RFC3: variants seen among roughly 807,000 people sequenced by gnomAD.
RFC3 encodes the protein A1 38 kDa subunit.
Under a neutral mutation model 45.1 loss-of-function variants are expected in RFC3, and 41 were observed. The observed-to-expected ratio is 0.91, with a 90% confidence interval of 0.71 to 1.18. RFC3 has a LOEUF of 1.18. Among genes scored for constraint, RFC3 ranks in the 50% most tolerant of loss-of-function variants. The pLI is 0.00. For synonymous variants in RFC3, 149 were observed against 144.0 expected, an observed-to-expected ratio of 1.03 and a Z score of -0.25; for missense variants, 423 against 428.1, an observed-to-expected ratio of 0.99 and a Z score of 0.10.
chr13:33,864,884 G>T (rs1333066547), intron 8 of RFC3, among the ~76,000 whole-genome samples: 1 of 152,168 alleles, frequency 6.6e-6, no homozygotes, highest in African/African-American at 2.4e-5. Context: ...GCAGGAGGAA[G>T]GGGAGTTCTG....
At chr13:33,819,960 C>A (rs1420647682) in intron 1 of RFC3, among the ~76,000 whole-genome samples, 1 of 152,156 alleles carries the variant, frequency 6.6e-6, no homozygotes, top group African/African-American at 2.4e-5. Flanking sequence ...TTGAATAGTT[C>A]TTTTCCTTGG....
chr13:33,897,856 A>G (rs2082611742), intron 8 of RFC3, among the ~76,000 whole-genome samples: 2 of 149,870 alleles, frequency 1.3e-5, no homozygotes, highest in East Asian at 3.9e-4. Context: ...TCAAATCACC[A>G]AGAAAATACA....
chr13:33,860,412 A>G lies in RFC3; in HGVS notation c.879+25195A>G, dbSNP rs548952239. 1.1e-4 allele frequency among the ~76,000 whole-genome samples: 16 copies of G among 152,150 alleles called. No homozygotes were observed. In the South Asian group the frequency reaches 2.9e-3, roughly 28 times the overall value. ...TGCACAAACACATTTAAAGACATCT[A>G]CCTTTGAGTGCTCCAGATGTTTGAA... On this transcript the variant is annotated intron_variant, in intron 8 of 8. Coordinates refer to the RFC3 transcript ENST00000434425.
In RFC3 at chr13:33,906,882, G is replaced by A. The variant is rs1049405954; in HGVS notation, c.880-59205G>A. 2.6e-5 allele frequency among the ~76,000 whole-genome samples: 4 copies of A among 152,024 alleles called. No individual in the cohort carries two copies. The East Asian group carries it at 5.8e-4, about 22-fold the overall frequency. On this transcript the variant is annotated intron_variant, in intron 8 of 8. Coordinates refer to the RFC3 transcript ENST00000434425. ...TTTGCTCTGTTGTCCAGGCTGGAGT[G>A]CAGTGAAGTAATCATGGTTCATTGC...
intron 8 of RFC3, among the ~76,000 whole-genome samples, chr13:33,918,498 A>G (rs892202271): frequency 2.6e-5 from 4 of 152,164 alleles, no homozygotes; most frequent in Non-Finnish European, 4.4e-5. Flanking sequence ...AAATGAGAGA[A>G]TGCTTGCAAA....
chr13:33,924,543 C>T (rs1368557260), intron 8 of RFC3, among the ~76,000 whole-genome samples: 2 of 151,026 alleles, frequency 1.3e-5, no homozygotes, highest in African/African-American at 2.4e-5. Flanking sequence ...TACTGTTTGG[C>T]CCTATATATA....
chr13:33,886,502 T>C (rs1593666299), intron 8 of RFC3, among the ~76,000 whole-genome samples: 1 of 138,564 alleles, frequency 7.2e-6, no homozygotes, highest in Non-Finnish European at 1.5e-5. Context: ...GCCACTGCAC[T>C]CCAGCCTGGG....
intron 8 of RFC3, among the ~76,000 whole-genome samples, chr13:33,900,965 G>A (rs115959846): frequency 0.01 from 1,543 of 151,694 alleles, 23 homozygotes; most frequent in African/African-American, 0.03. Context: ...ACTAATCATC[G>A]AAGAAATGCA....
chr13:33,863,593 T>G (rs765939494), intron 8 of RFC3, among the ~76,000 whole-genome samples: 8 of 152,230 alleles, frequency 5.3e-5, no homozygotes, highest in Non-Finnish European at 1.0e-4. Context: ...GTTCCAACCA[T>G]AAGAATTCTG....
chr13:33,964,010 G>A lies in RFC3; in HGVS notation c.880-2077G>A, dbSNP rs56212854. 5.6e-3 allele frequency among the ~76,000 whole-genome samples: 849 copies of A among 152,234 alleles called. 5 individuals carry two copies. Among genetic ancestry groups the A allele is most frequent in the Non-Finnish European group, 9.3e-3 (635 of 68,020 alleles). ...CAAGCTGGTCTTGACCATCATTGTC[G>A]TCCTTCAAATGATGAAATCGCTGCA... On this transcript the variant is annotated intron_variant, in intron 8 of 8. Coordinates refer to the RFC3 transcript ENST00000434425.
At chr13:33,820,285 A>G (rs1356225212) in intron 1 of RFC3, among the ~76,000 whole-genome samples, 1 of 152,188 alleles carries the variant, frequency 6.6e-6, no homozygotes, top group Non-Finnish European at 1.5e-5. Context: ...CTGACTTCTA[A>G]CTTTGTACAT....
intron 8 of RFC3, chr13:33,847,961 G>A (rs2082250183): frequency 1.3e-5 from 2 of 152,096 alleles, no homozygotes; most frequent in Admixed American, 6.6e-5. Flanking sequence ...CATCAAATGT[G>A]GAATATAGCT....
intron 8 of RFC3, among the ~76,000 whole-genome samples, chr13:33,942,291 G>T (rs1169798694): frequency 6.6e-6 from 1 of 151,970 alleles, no homozygotes; most frequent in Non-Finnish European, 1.5e-5. Context: ...ATGGCCTGAA[G>T]ACTGAAGGTA....
intron 8 of RFC3, among the ~76,000 whole-genome samples, chr13:33,950,052 C>CCT (rs946214935): frequency 7.8e-5 from 10 of 128,374 alleles, no homozygotes; most frequent in South Asian, 2.7e-4. Flanking sequence ...TCTCTTTCTC[C>CCT]CTCTCTCTCT....
intron 8 of RFC3, among the ~76,000 whole-genome samples, chr13:33,845,251 T>G (rs959087080): frequency 4.6e-4 from 70 of 152,210 alleles, no homozygotes; most frequent in African/African-American, 1.6e-3. Context: ...TGCCTTGAGA[T>G]AGTCTTATTT....
At position 33,834,327 on chromosome 13, in the gene RFC3, T is replaced by TACAC. The variant is rs1385159767; in HGVS notation, c.810-820_810-819insCACA. Among the ~76,000 whole-genome samples, 75 of 138,318 alleles carry TACAC rather than the reference T, an allele frequency of 5.4e-4. 2 individuals are homozygous for TACAC. The highest frequency in any genetic ancestry group is 1.3e-3 in the African/African-American group (43 of 34,352). 90.7% of individuals were successfully genotyped at this position (138,318 alleles called of 152,430 possible). On this transcript the variant is annotated intron_variant, in intron 7 of 8. Coordinates refer to ENST00000380071, the MANE Select transcript of RFC3 (RefSeq NM_002915.4). Reference sequence around the variant, plus strand: ...ATATATATATATATATATATATATATATATCTGTACTGTAAAAATTCAGAA... The same window carrying TACAC: ...ATATATATATATATATATATATATATACACATATCTGTACTGTAAAAATTCAGAA...
At chr13:33,827,185 A>G (rs1371640166) in intron 4 of RFC3, among the ~76,000 whole-genome samples, 1 of 152,156 alleles carries the variant, frequency 6.6e-6, no homozygotes, top group Admixed American at 6.6e-5. Context: ...GTGCTTTGGG[A>G]GGCTGAAGCA....
intron 8 of RFC3, among the ~76,000 whole-genome samples, chr13:33,887,485 T>C (rs2082533639): frequency 1.3e-5 from 2 of 152,330 alleles, no homozygotes; most frequent in African/African-American, 4.8e-5. Flanking sequence ...TGGTGTTGTT[T>C]GGTTTTTTCT....
chr13:33,916,064 G>A (rs1321266660), intron 8 of RFC3, among the ~76,000 whole-genome samples: 2 of 152,142 alleles, frequency 1.3e-5, no homozygotes, highest in Non-Finnish European at 2.9e-5. Context: ...CACCCAAACT[G>A]CTGGGATTAT....
Sources: gnomAD v4.1 joint callset for allele counts (sites outside exome capture counted in the v4.1 genomes callset) on GRCh38, gnomAD v4.1.1 for gene constraint, MANE v1.5 for transcripts, NCBI Gene and HGNC (gene_info 2026-07-23, HGNC 2026-07-21) for gene names.